The following PPP6C variants were observed in gnomAD, a reference collection of about 807,000 sequenced individuals.
The protein encoded by PPP6C is serine/threonine-protein phosphatase 6 catalytic subunit.
A neutral mutation model predicts 39.8 loss-of-function variants in PPP6C; 11 were observed. The ratio of observed to expected loss-of-function variants is 0.28; its 90% CI spans 0.17 to 0.46. The LOEUF (loss-of-function observed/expected upper bound fraction) is 0.46, where lower values mean the gene tolerates loss of function less well. Among genes scored for constraint, PPP6C ranks in the 20% least tolerant of loss-of-function variants. PPP6C has a pLI of 1.00. For missense variants in PPP6C, 211 were observed against 373.9 expected (o/e 0.56, Z 3.59); for synonymous variants, 129 against 130.3 (o/e 0.99, Z 0.07).
chr9:125,160,468 G>C (rs73579975), intron 3 of PPP6C, among the ~76,000 whole-genome samples: 2,398 of 152,326 alleles, frequency 0.016, 74 homozygotes, highest in African/African-American at 0.055. Context: ...ATGGGGGCAA[G>C]TCTTTCCTGT....
intron 6 of PPP6C, chr9:125,151,193 G>A (rs926701623): frequency 3.3e-6 from 5 of 1,496,510 alleles, no homozygotes; most frequent in Non-Finnish European, 4.7e-6. Context: ...ATTGCAGACA[G>A]GCTGAATGTG....
rs1176354960 is a variant in PPP6C, at chr9:125,159,036, G to GTTT, written c.238-657_238-655dup. Among the ~76,000 whole-genome samples the GTTT allele has an allele frequency of 2.0e-3, 239 of 117,976 alleles. 3 individuals carry two copies. Among genetic ancestry groups the GTTT allele is most frequent in the African/African-American group, 6.7e-3 (217 of 32,510 alleles). The allele number at this position is 117,976 out of a possible 152,430, so 77.4% of individuals were successfully genotyped here. On this transcript the variant is annotated intron_variant, in intron 3 of 6. Transcript: ENST00000373547. ...TCATCTGCTAACCAGTATTTTTTAA[G>GTTT]TTTTTTTTTTTTTTTTTTTTAGATG...
intron 1 of PPP6C, chr9:125,172,045 A>G (rs945113228): frequency 2.2e-6 from 1 of 447,340 alleles, no homozygotes; most frequent in African/African-American, 2.0e-5. Flanking sequence ...ATGGTTAAAC[A>G]CATTTTGGTA....
At chr9:125,151,257 T>C (rs1835933951) in intron 6 of PPP6C, 4 of 1,501,258 alleles carry the variant, frequency 2.7e-6, no homozygotes, top group Middle Eastern at 1.7e-4. Flanking sequence ...ATGGTGCTTG[T>C]GGGAGATGTG....
intron 1 of PPP6C, among the ~76,000 whole-genome samples, chr9:125,177,450 A>G (rs1199634858): frequency 6.6e-6 from 1 of 152,028 alleles, no homozygotes; most frequent in African/African-American, 2.4e-5. Flanking sequence ...TAATCCCACC[A>G]CTTAGGGAGG....
At chr9:125,164,237 T>TC in intron 2 of PPP6C, among the ~76,000 whole-genome samples, 1 of 140,884 alleles carries the variant, frequency 7.1e-6, no homozygotes, top group Non-Finnish European at 1.5e-5. Flanking sequence ...TTTTTTTTTT[T>TC]TTTTTTTGAG....
chr9:125,150,704 T>C (rs1835914817), intron 6 of PPP6C: 3 of 877,848 alleles, frequency 3.4e-6, no homozygotes, highest in Non-Finnish European at 5.3e-6. Flanking sequence ...CTCAGAAAAC[T>C]GCCGATCGCC....
intron 2 of PPP6C, among the ~76,000 whole-genome samples, chr9:125,167,579 T>A (rs1041544234): frequency 2.0e-5 from 3 of 151,606 alleles, no homozygotes; most frequent in African/African-American, 7.3e-5. Context: ...GGCACATGCC[T>A]GTAATCTCAG....
rs916042884 is a variant in PPP6C, at chr9:125,147,436, T to C, written c.*2237A>G. 3 of 152,200 alleles carry C rather than the reference T, an allele frequency of 2.0e-5. No individual in the cohort carries two copies. Among genetic ancestry groups the C allele is most frequent in the African/African-American group, 4.8e-5 (2 of 41,456 alleles). The allele number at this position is 152,200 out of a possible 1,614,324, so 9.4% of individuals were successfully genotyped here. A position where few individuals can be genotyped will look rare whatever the true frequency, so the allele number is the denominator to read the frequency against. Reference sequence around the variant, plus strand: ...TAGTACATATAGTACATAGCCCTTATTTATTGGAGGGATCCAAAATATTCC... The same window carrying C: ...TAGTACATATAGTACATAGCCCTTACTTATTGGAGGGATCCAAAATATTCC... On this transcript the variant is annotated 3_prime_UTR_variant, in exon 7 of 7. Transcript: ENST00000373547.
At chr9:125,185,411 A>G (rs1829505411) in intron 1 of PPP6C, among the ~76,000 whole-genome samples, 1 of 151,946 alleles carries the variant, frequency 6.6e-6, no homozygotes, top group African/African-American at 2.4e-5. Flanking sequence ...ACTGTTATGT[A>G]TGCCAGGCAT....
intron 1 of PPP6C, among the ~76,000 whole-genome samples, chr9:125,180,443 A>G (rs1829397004): frequency 6.6e-6 from 1 of 152,152 alleles, no homozygotes; most frequent in Non-Finnish European, 1.5e-5. Context: ...TTTTTTTGAG[A>G]TGGAGTTTCG....
rs1402613989 is a variant in PPP6C, at chr9:125,161,031, A to G, written c.172-125T>C. The stretch of plus-strand genomic sequence containing the variant: ...CCAAATATTTACATTTTTAAGAAAT[A>G]AAGTGTAAGCCAAACTGCCAAGCAC... On this transcript the variant is annotated intron_variant, in intron 2 of 6. Transcript: ENST00000373547. 4 of 556,204 alleles carry G rather than the reference A, an allele frequency of 7.2e-6. No homozygotes were observed. In the East Asian group the frequency reaches 1.3e-4, roughly 19 times the overall value. The allele number at this position is 556,204 out of a possible 1,614,324, so 34.5% of individuals were successfully genotyped here.
At chr9:125,170,147 C>T (rs1829113855) in intron 2 of PPP6C, among the ~76,000 whole-genome samples, 1 of 152,076 alleles carries the variant, frequency 6.6e-6, no homozygotes, top group South Asian at 2.1e-4. Context: ...GCTTTCATTT[C>T]CCAGTGAAAA....
At chr9:125,154,563 C>T (rs1836023674) in intron 4 of PPP6C, among the ~76,000 whole-genome samples, 1 of 152,164 alleles carries the variant, frequency 6.6e-6, no homozygotes, top group Admixed American at 6.5e-5. Flanking sequence ...AAATTATTAG[C>T]CAAAATGCTA....
intron 2 of PPP6C, among the ~76,000 whole-genome samples, chr9:125,169,215 T>G (rs1183767439): frequency 6.6e-6 from 1 of 152,248 alleles, no homozygotes; most frequent in Admixed American, 6.5e-5. Flanking sequence ...CTTCAATCTT[T>G]CAGTCTCCCT....
intron 1 of PPP6C, among the ~76,000 whole-genome samples, chr9:125,187,136 G>A (rs542351489): frequency 6.0e-5 from 9 of 151,134 alleles, no homozygotes; most frequent in Non-Finnish European, 1.3e-4. Context: ...TAGTACAGAC[G>A]GGGTTTCACC....
At chr9:125,149,970 G>A (rs184113990) in intron 6 of PPP6C, 49 bp from the exon 7 acceptor site, 12 of 1,578,964 alleles carry the variant, frequency 7.6e-6, no homozygotes, top group East Asian at 4.5e-5. Flanking sequence ...AAAAACAATC[G>A]GCCTACATAA....
intron 2 of PPP6C, among the ~76,000 whole-genome samples, chr9:125,166,270 G>T (rs1156482978): frequency 6.6e-6 from 1 of 152,172 alleles, no homozygotes. Flanking sequence ...GTCGGAAACT[G>T]TTAGCCCCAT....
intron 4 of PPP6C, among the ~76,000 whole-genome samples, chr9:125,156,900 C>T (rs1836090860): frequency 6.6e-6 from 1 of 152,064 alleles, no homozygotes; most frequent in East Asian, 1.9e-4. Context: ...GCAACCTCCA[C>T]CTCCTGGGTT....
Sources: allele counts gnomAD v4.1 joint callset (sites outside exome capture counted in the v4.1 genomes callset), GRCh38; gene constraint gnomAD v4.1.1; transcripts MANE v1.5; gene names NCBI Gene and HGNC (gene_info 2026-07-23, HGNC 2026-07-21).